The following AP2A2 variants were observed in gnomAD, a reference collection of about 807,000 sequenced individuals.
AP2A2 encodes AP-2 complex subunit alpha-2.
A neutral mutation model predicts 104.2 loss-of-function variants in AP2A2; 32 were observed. The ratio of observed to expected loss-of-function variants is 0.31; its 90% CI spans 0.23 to 0.41. The LOEUF is 0.41. Ranked by LOEUF, AP2A2 falls within the 10% of genes least tolerant of loss-of-function variation. The pLI, the probability that AP2A2 is intolerant of heterozygous loss-of-function variation, is 1.00. For missense variants in AP2A2, 912 were observed against 1,261.0 expected (o/e 0.72, Z 4.19); for synonymous variants, 539 against 533.3 (o/e 1.01, Z -0.15).
intron 1 of AP2A2, among the ~76,000 whole-genome samples, chr11:956,473 G>A (rs139026424): frequency 3.9e-5 from 6 of 152,310 alleles, no homozygotes; most frequent in Non-Finnish European, 8.8e-5. Context: ...AGAATAAAAA[G>A]TGACTTAAAT....
chr11:989,129 C>T (rs1022625883), intron 10 of AP2A2, among the ~76,000 whole-genome samples: 2 of 152,196 alleles, frequency 1.3e-5, no homozygotes, highest in African/African-American at 4.8e-5. Flanking sequence ...CAAGACCAGC[C>T]TGACAAACAT....
intron 2 of AP2A2, among the ~76,000 whole-genome samples, chr11:963,790 C>A (rs1854522387): frequency 6.6e-6 from 1 of 152,200 alleles, no homozygotes; most frequent in Admixed American, 6.5e-5. Context: ...GCCTGGCTAA[C>A]ATTTAAAAAA....
chr11:989,154 C>T (rs747140839), intron 10 of AP2A2, among the ~76,000 whole-genome samples: 1 of 152,104 alleles, frequency 6.6e-6, no homozygotes, highest in South Asian at 2.1e-4. Context: ...AAACCCTGAC[C>T]CCGTCTCTAC....
chr11:956,396 C>G (rs1854236101), intron 1 of AP2A2, among the ~76,000 whole-genome samples: 1 of 152,166 alleles, frequency 6.6e-6, no homozygotes, highest in Admixed American at 6.5e-5. Context: ...CTCCTGACCT[C>G]AGGCGACCCA....
intron 1 of AP2A2, among the ~76,000 whole-genome samples, chr11:957,997 T>C (rs2134556235): frequency 6.6e-6 from 1 of 152,364 alleles, no homozygotes; most frequent in African/African-American, 2.4e-5. Flanking sequence ...TAAGGTTCCC[T>C]CTAGCTGTGG....
At position 1,000,560 on chromosome 11, in the gene AP2A2, C is replaced by T. The variant is rs376836623; in HGVS notation, c.2085C>T (p.Val695=). 1.6e-4 allele frequency: 248 copies of T among 1,550,234 alleles called. No homozygotes were observed. Among genetic ancestry groups the T allele is most frequent in the East Asian group, 1.2e-3 (50 of 41,948 alleles). The stretch of plus-strand genomic sequence containing the variant: ...TGTTCTCAGACTCGGCCTCTGTGGT[C>T]GCGCCTCTCGCTCCTGGCTCCGAAG... The part of the protein sequence containing the change: ...VDVFSDSASV[V]APLAPGSEDN... The change falls in exon 15 of 22, where the codon GTC becomes GTT. Residue 695 remains valine, a synonymous_variant. Transcript: ENST00000448903.
chr11:983,834 T>C (rs1855354772), intron 6 of AP2A2, among the ~76,000 whole-genome samples: 1 of 152,246 alleles, frequency 6.6e-6, no homozygotes, highest in Admixed American at 6.5e-5. Context: ...CGTGTCTGTG[T>C]GTCACGGAAG....
At chr11:975,455 C>A (rs1854992023) in intron 4 of AP2A2, among the ~76,000 whole-genome samples, 1 of 149,652 alleles carries the variant, frequency 6.7e-6, no homozygotes, top group South Asian at 2.1e-4. Context: ...GCGGTGGGGT[C>A]CTCGGTCTCC....
chr11:989,712 G>A (rs925439343), intron 10 of AP2A2, among the ~76,000 whole-genome samples: 1 of 152,176 alleles, frequency 6.6e-6, no homozygotes, highest in Non-Finnish European at 1.5e-5. Flanking sequence ...CCCTTGTGGA[G>A]GCCACATGGT....
chr11:986,504 G>T (rs1589996199), intron 8 of AP2A2, among the ~76,000 whole-genome samples: 1 of 152,214 alleles, frequency 6.6e-6, no homozygotes, highest in Non-Finnish European at 1.5e-5. Context: ...GCCTGATGCA[G>T]ATTGAGGCTC....
At chr11:995,093 G>A (rs1452697632) in intron 14 of AP2A2, among the ~76,000 whole-genome samples, 1 of 152,224 alleles carries the variant, frequency 6.6e-6, no homozygotes, top group Admixed American at 6.5e-5. Flanking sequence ...TCAGACCGTC[G>A]TCTTGTCCAG....
At chr11:944,243 A>G (rs531824614) in intron 1 of AP2A2, among the ~76,000 whole-genome samples, 20 of 152,314 alleles carry the variant, frequency 1.3e-4, no homozygotes, top group South Asian at 4.1e-4. Flanking sequence ...GTTGTTTTCC[A>G]GCTGTGTTGC....
At chr11:1,009,297 T>C (rs1315480211) in intron 19 of AP2A2, 31 bp from the exon 20 acceptor site, 9 of 1,612,096 alleles carry the variant, frequency 5.6e-6, no homozygotes, top group Non-Finnish European at 6.8e-6. Context: ...CTGGCCTGGC[T>C]GAGAACACTC....
chr11:992,452 G>C lies in AP2A2; in HGVS notation c.1270-51G>C. 6.5e-7 allele frequency: 1 copy of C among 1,538,870 alleles called. No individual in the cohort carries two copies. The highest frequency in any genetic ancestry group is 8.8e-7 in the Non-Finnish European group (1 of 1,135,392). On this transcript the variant is annotated intron_variant, in intron 10 of 21. Transcript: ENST00000448903. The surrounding 1 kb of genome is among the most constrained non-coding windows in gnomAD (Gnocchi z 6.4). Reference sequence around the variant, plus strand: ...TGACTTTGGACGACAGTTTGGTCTTGGGATTGCCATGGCCTGCAGGTGCCG... The same window carrying C: ...TGACTTTGGACGACAGTTTGGTCTTCGGATTGCCATGGCCTGCAGGTGCCG...
chr11:993,648 C>T lies in AP2A2; in HGVS notation c.1551-106C>T. 1 of 865,508 alleles carries T rather than the reference C, an allele frequency of 1.2e-6. No individual in the cohort carries two copies. Among genetic ancestry groups the T allele is most frequent in the Non-Finnish European group, 1.8e-6 (1 of 564,368 alleles). 53.6% of individuals were successfully genotyped at this position (865,508 alleles called of 1,614,324 possible). A position where few individuals can be genotyped will look rare whatever the true frequency, so the allele number is the denominator to read the frequency against. ...CTGGAAGAGGGTCCCGACCAGCGGCCTCTGGTGCAGGCCAGGGGGTCTCGC... is the reference window on the plus strand; with the variant it reads ...CTGGAAGAGGGTCCCGACCAGCGGCTTCTGGTGCAGGCCAGGGGGTCTCGC... On this transcript the variant is annotated intron_variant, in intron 12 of 21. Coordinates refer to ENST00000448903, the MANE Select transcript of AP2A2 (RefSeq NM_012305.4). The surrounding 1 kb of genome is among the most constrained non-coding windows in gnomAD (Gnocchi z 8.2).
rs552349493 is a variant in AP2A2, at chr11:984,738, T to C, written c.799T>C (p.Cys267Arg). ...TGTCAAACTGCTGAGACTGCTGCAG[T>C]GCTACCCACCCCCAGGTAACGCGCA... The part of the protein sequence containing the change: ...LSVKLLRLLQ[C>R]YPPPDPAVRG... Residue 267 changes from cysteine to arginine, a missense_variant, in exon 7 of 22, where the codon TGC becomes CGC. By Grantham distance (180) the Cys-to-Arg change is radical. This residue lies in a region of AP2A2 where 350 missense variants were observed against 487.0 expected (regional missense o/e 0.72). Coordinates refer to ENST00000448903, the MANE Select transcript of AP2A2 (RefSeq NM_012305.4). 6.2e-7 allele frequency: 1 copy of C among 1,611,974 alleles called. No individual in the cohort carries two copies. The highest frequency in any genetic ancestry group is 1.1e-5 in the South Asian group (1 of 91,062).
Position 933,200 on chromosome 11 carries a change from G to A in AP2A2, c.67+7112G>A, listed in dbSNP as rs571906718. 3.3e-5 allele frequency among the ~76,000 whole-genome samples: 5 copies of A among 152,272 alleles called. No individual in the cohort carries two copies. In the East Asian group the frequency reaches 9.6e-4, roughly 29 times the overall value. ...GGAGAATCACTTGAATTTGGGAGGC[G>A]GAGGTTGCAGTAAGCCAAGATTGCG... On this transcript the variant is annotated intron_variant, in intron 1 of 21. Coordinates refer to ENST00000448903, the MANE Select transcript of AP2A2 (RefSeq NM_012305.4).
chr11:959,942 T>G (rs1589967502), intron 2 of AP2A2, among the ~76,000 whole-genome samples: 3 of 152,204 alleles, frequency 2.0e-5, no homozygotes. Flanking sequence ...ATCCTTACTT[T>G]GAAGAATTGT....
intron 2 of AP2A2, 113 bp from the exon 3 acceptor site, chr11:970,055 CT>C (rs1854764996): frequency 1.3e-5 from 15 of 1,194,848 alleles, no homozygotes; most frequent in Non-Finnish European, 1.8e-5. Flanking sequence ...CCGGCCACCC[CT>C]CTCCTGGAGG....
Sources: allele counts gnomAD v4.1 joint callset (sites outside exome capture counted in the v4.1 genomes callset), GRCh38; gene constraint gnomAD v4.1.1; regional missense constraint gnomAD v4.1.1; non-coding constraint Gnocchi (gnomAD v3.1); transcripts MANE v1.5; gene names NCBI Gene and HGNC (gene_info 2026-07-23, HGNC 2026-07-21).